The following CADM2 variants were observed in gnomAD, a reference collection of about 807,000 sequenced individuals.
CADM2 encodes the protein immunoglobulin superfamily member 4D.
A neutral mutation model predicts 49.8 loss-of-function variants in CADM2; 12 were observed. The ratio of observed to expected loss-of-function variants is 0.24; its 90% CI spans 0.15 to 0.39. The LOEUF (loss-of-function observed/expected upper bound fraction) is 0.39. Among genes scored for constraint, CADM2 ranks in the 10% least tolerant of loss-of-function variants. The pLI, the probability that CADM2 is intolerant of heterozygous loss-of-function variation, is 1.00. For synonymous variants in CADM2, 214 were observed against 175.4 expected (o/e 1.22, Z -1.74); for missense variants, 378 against 492.3 (o/e 0.77, Z 2.20).
intron 1 of CADM2, among the ~76,000 whole-genome samples, chr3:85,298,772 T>C (rs987351025): frequency 6.6e-6 from 1 of 152,124 alleles, no homozygotes; most frequent in Admixed American, 6.6e-5. Flanking sequence ...TTTTAAATAC[T>C]GAAATTAATT....
chr3:85,817,425 T>C (rs2073278359), intron 3 of CADM2, among the ~76,000 whole-genome samples: 1 of 141,792 alleles, frequency 7.1e-6, no homozygotes, highest in Admixed American at 7.7e-5. Context: ...CTTTTAATGG[T>C]GAAAACTGCA....
chr3:85,282,598 G>A (rs2043531297), intron 1 of CADM2, among the ~76,000 whole-genome samples: 1 of 151,680 alleles, frequency 6.6e-6, no homozygotes, highest in Admixed American at 6.6e-5. Flanking sequence ...CCTTTAAACT[G>A]AAACTTATAT....
chr3:85,605,838 T>C (rs1039542896), intron 1 of CADM2, among the ~76,000 whole-genome samples: 10 of 152,006 alleles, frequency 6.6e-5, no homozygotes, highest in African/African-American at 2.4e-4. Flanking sequence ...CAGTAAAGAG[T>C]CAATGTACAG....
At chr3:85,862,207 A>G (rs2075562962) in intron 3 of CADM2, among the ~76,000 whole-genome samples, 2 of 152,302 alleles carry the variant, frequency 1.3e-5, no homozygotes, top group South Asian at 4.1e-4. Flanking sequence ...ACTTAGCAGT[A>G]TGACACTGAC....
At chr3:85,947,856 A>G (rs924976540) in intron 7 of CADM2, among the ~76,000 whole-genome samples, 1 of 151,574 alleles carries the variant, frequency 6.6e-6, no homozygotes, top group Non-Finnish European at 1.5e-5. Flanking sequence ...AAGAGCTTGC[A>G]GAATCACGAT....
intron 1 of CADM2, among the ~76,000 whole-genome samples, chr3:85,603,887 A>G (rs1048942668): frequency 1.3e-5 from 2 of 151,982 alleles, no homozygotes; most frequent in East Asian, 3.8e-4. Context: ...CATTTTTAAT[A>G]AGGAAATGTA....
chr3:85,238,817 A>T (rs575384989), intron 1 of CADM2, among the ~76,000 whole-genome samples: 3 of 151,938 alleles, frequency 2.0e-5, no homozygotes, highest in African/African-American at 7.2e-5. Flanking sequence ...ACGAATATAC[A>T]TATCAAAGTA....
rs529260778 is a variant in CADM2, at chr3:86,065,808, G to A, written c.1096+78G>A. 11 of 1,420,398 alleles carry A rather than the reference G, an allele frequency of 7.7e-6. No individual in the cohort carries two copies. The African/African-American group carries it at 1.6e-4, about 20-fold the overall frequency. 88.0% of individuals were successfully genotyped at this position (1,420,398 alleles called of 1,614,324 possible). On this transcript the variant is annotated intron_variant, in intron 9 of 9. Transcript: ENST00000383699. ...CTTCATTATAAAATATGATATCAGT[G>A]CATATATGTTTCTGTACATGTGTAG...
intron 3 of CADM2, among the ~76,000 whole-genome samples, chr3:85,826,007 T>C (rs1177997660): frequency 6.6e-6 from 1 of 152,106 alleles, no homozygotes; most frequent in African/African-American, 2.4e-5. Context: ...ATAATTGTTA[T>C]GTTTTACAAT....
chr3:85,004,801 G>A (rs2033645292), intron 1 of CADM2, among the ~76,000 whole-genome samples: 1 of 152,140 alleles, frequency 6.6e-6, no homozygotes, highest in Admixed American at 6.6e-5. Context: ...AATGTATATG[G>A]GATAGTGTTC....
intron 1 of CADM2, among the ~76,000 whole-genome samples, chr3:85,363,496 A>G (rs2107288110): frequency 6.6e-6 from 1 of 152,246 alleles, no homozygotes; most frequent in African/African-American, 2.4e-5. Context: ...AACAACTTTC[A>G]GTGTCATTTA....
intron 2 of CADM2, among the ~76,000 whole-genome samples, chr3:85,767,796 A>C (rs1344901006): frequency 6.6e-6 from 1 of 152,168 alleles, no homozygotes; most frequent in Admixed American, 6.6e-5. Context: ...ACATACCTCC[A>C]TCTCTATTCC....
chr3:85,569,709 A>T (rs1202416138), intron 1 of CADM2, among the ~76,000 whole-genome samples: 1 of 133,590 alleles, frequency 7.5e-6, no homozygotes, highest in Non-Finnish European at 1.7e-5. Context: ...GGCAAAAAAA[A>T]AAAAAGAAAA....
At chr3:84,962,063 G>A (rs1025249617) in intron 1 of CADM2, among the ~76,000 whole-genome samples, 4 of 151,870 alleles carry the variant, frequency 2.6e-5, no homozygotes, top group African/African-American at 7.3e-5. Context: ...ACTGGGGAGC[G>A]GGGGGTGCGG....
At chr3:85,127,184 C>A (rs1474379265) in intron 1 of CADM2, among the ~76,000 whole-genome samples, 2 of 151,988 alleles carry the variant, frequency 1.3e-5, no homozygotes, top group Admixed American at 1.3e-4. Context: ...AAAGAGAAAA[C>A]CAGGCTTTAT....
rs116672974 is a variant in CADM2 at position 85,089,468 on chromosome 3, G to T, written c.61+129800G>T. 3.8e-3 allele frequency among the ~76,000 whole-genome samples: 574 copies of T among 152,126 alleles called. 6 individuals are homozygous for T. Among genetic ancestry groups the T allele is most frequent in the African/African-American group, 0.013 (535 of 41,508 alleles). On this transcript the variant is annotated intron_variant, in intron 1 of 9. Transcript: ENST00000383699. Reference sequence around the variant, plus strand: ...TTTCCTCAGTGCCTGTTTTCCACCAGATTGTGTCCAAGTTTAGCAGTTTAG... The same window carrying T: ...TTTCCTCAGTGCCTGTTTTCCACCATATTGTGTCCAAGTTTAGCAGTTTAG...
At chr3:85,378,160 A>G (rs1407234783) in intron 1 of CADM2, among the ~76,000 whole-genome samples, 2 of 152,044 alleles carry the variant, frequency 1.3e-5, no homozygotes, top group African/African-American at 4.8e-5. Context: ...AAAAATTTGA[A>G]TGGTTTTCTT....
chr3:85,010,038 CT>C (rs991910826), intron 1 of CADM2, among the ~76,000 whole-genome samples: 1 of 151,486 alleles, frequency 6.6e-6, no homozygotes, highest in East Asian at 1.9e-4. Context: ...CTTAGAGTTA[CT>C]TTTTTTTGCA....
At chr3:86,018,433 G>A (rs976308535) in intron 8 of CADM2, among the ~76,000 whole-genome samples, 3 of 151,618 alleles carry the variant, frequency 2.0e-5, no homozygotes, top group Non-Finnish European at 4.4e-5. Flanking sequence ...TCCAGTTCTA[G>A]ATCCCTGAGG....
Sources: gnomAD v4.1 joint callset for allele counts (sites outside exome capture counted in the v4.1 genomes callset) on GRCh38, gnomAD v4.1.1 for gene constraint, MANE v1.5 for transcripts, NCBI Gene and HGNC (gene_info 2026-07-23, HGNC 2026-07-21) for gene names.